NFIA: variants seen among roughly 807,000 people sequenced by gnomAD.
The protein encoded by NFIA is nuclear factor I A, also known as nuclear factor 1 A-type.
In NFIA, 8 loss-of-function variants were observed where a neutral mutation model predicts 62.8. The observed-to-expected ratio is 0.13, with a 90% CI of 0.07 to 0.23. The LOEUF (loss-of-function observed/expected upper bound fraction) is 0.23, where lower values mean the gene tolerates loss of function less well. NFIA is among the 10% of genes least tolerant of loss of function. The pLI, the probability that NFIA is intolerant of heterozygous loss-of-function variation, is 1.00. For missense variants in NFIA, 410 were observed against 642.1 expected (o/e 0.64, Z 3.91); for synonymous variants, 235 against 238.1 (o/e 0.99, Z 0.12).
chr1:61,406,543 G>GGGGCCC lies in NFIA; in HGVS notation c.1255-19_1255-18insGGGCCC. ...TCTTTTTCTTGTACGTGTGTTTTCT[G>GGGGCCC]CCCCCCCCCCCCCCACAGCCCAATG... On this transcript the variant is annotated intron_variant, in intron 8 of 10. Coordinates refer to ENST00000403491, the MANE Select transcript of NFIA (RefSeq NM_001134673.4). 2.3e-6 allele frequency: 2 copies of GGGGCCC among 876,650 alleles called. No homozygotes were observed. Among genetic ancestry groups the GGGGCCC allele is most frequent in the Non-Finnish European group, 3.1e-6 (2 of 653,740 alleles). 54.3% of individuals were successfully genotyped at this position (876,650 alleles called of 1,614,324 possible). A position where few individuals can be genotyped will look rare whatever the true frequency, so the allele number is the denominator to read the frequency against.
At chr1:61,333,954 C>T (rs1661446244) in intron 4 of NFIA, among the ~76,000 whole-genome samples, 1 of 152,194 alleles carries the variant, frequency 6.6e-6, no homozygotes, top group Admixed American at 6.5e-5. Flanking sequence ...GAGCTGAGAT[C>T]ACACTACCAC....
intron 2 of NFIA, among the ~76,000 whole-genome samples, chr1:61,187,862 G>A (rs1280868297): frequency 6.6e-6 from 1 of 152,192 alleles, no homozygotes; most frequent in Non-Finnish European, 1.5e-5. Flanking sequence ...AAGTGGGTCT[G>A]TGTGAGAGCG....
chr1:61,158,372 T>C (rs551401456), intron 2 of NFIA, among the ~76,000 whole-genome samples: 11 of 152,344 alleles, frequency 7.2e-5, no homozygotes, highest in African/African-American at 2.6e-4. Flanking sequence ...TTAATTTTAA[T>C]AATTGGAATC....
chr1:61,217,052 T>A (rs1162194569), intron 2 of NFIA, among the ~76,000 whole-genome samples: 2 of 149,084 alleles, frequency 1.3e-5, no homozygotes, highest in Non-Finnish European at 3.0e-5. Context: ...AACTTTTTTT[T>A]TTCTTTTTTC....
chr1:61,389,666 A>AT (rs1219137636), intron 7 of NFIA, among the ~76,000 whole-genome samples: 1 of 151,750 alleles, frequency 6.6e-6, no homozygotes, highest in Admixed American at 6.6e-5. Context: ...TTGTTTTCAC[A>AT]TTTTTTATGA....
chr1:61,081,632 T>G (rs1646095958), upstream of NFIA: 1 of 376,274 alleles, frequency 2.7e-6, no homozygotes, highest in Non-Finnish European at 4.9e-6. Context: ...GCGTCTGTGT[T>G]CAAACCCACT....
chr1:61,221,466 C>G (rs959601667), intron 2 of NFIA, among the ~76,000 whole-genome samples: 2 of 152,084 alleles, frequency 1.3e-5, no homozygotes, highest in Non-Finnish European at 2.9e-5. Context: ...CTGACAAAAA[C>G]TTATTTAAAA....
intron 2 of NFIA, among the ~76,000 whole-genome samples, chr1:61,262,718 AT>A (rs1325829494): frequency 1.3e-5 from 2 of 152,200 alleles, no homozygotes; most frequent in Non-Finnish European, 2.9e-5. Context: ...ACACTCAGTG[AT>A]TTTTTTGGAA....
chr1:61,251,923 C>T (rs1408711983), intron 2 of NFIA, among the ~76,000 whole-genome samples: 5 of 152,104 alleles, frequency 3.3e-5, no homozygotes, highest in South Asian at 2.1e-4. Context: ...TATTAAGCCT[C>T]CTACAGCAGG....
intron 6 of NFIA, among the ~76,000 whole-genome samples, chr1:61,367,667 C>G (rs1361553525): frequency 6.6e-6 from 1 of 152,102 alleles, no homozygotes; most frequent in Non-Finnish European, 1.5e-5. Flanking sequence ...CTGTAACCAC[C>G]CTTCAAAAAT....
At chr1:61,082,131 T>C, upstream of NFIA, 2 of 1,046,230 alleles carry the variant, frequency 1.9e-6, no homozygotes, top group Non-Finnish European at 2.6e-6. Context: ...TGTGGCAGCC[T>C]ATAGCTGCCC....
intron 3 of NFIA, among the ~76,000 whole-genome samples, chr1:61,299,410 A>G (rs1659372182): frequency 6.6e-6 from 1 of 152,164 alleles, no homozygotes; most frequent in South Asian, 2.1e-4. Flanking sequence ...TGAGGCCACT[A>G]CCTCTTTAAT....
intron 3 of NFIA, among the ~76,000 whole-genome samples, chr1:61,330,479 A>C (rs1661245358): frequency 7.3e-6 from 1 of 137,618 alleles, no homozygotes; most frequent in Non-Finnish European, 1.6e-5. Flanking sequence ...CTGCACACAC[A>C]TACAGGGAGA....
intron 7 of NFIA, among the ~76,000 whole-genome samples, chr1:61,383,634 A>T (rs1205213106): frequency 6.6e-6 from 1 of 152,240 alleles, no homozygotes; most frequent in Non-Finnish European, 1.5e-5. Flanking sequence ...ACTTGAATTG[A>T]ACCAAAATCA....
intron 2 of NFIA, among the ~76,000 whole-genome samples, chr1:61,260,860 G>A (rs1039980255): frequency 3.3e-5 from 5 of 152,220 alleles, no homozygotes; most frequent in African/African-American, 7.2e-5. Flanking sequence ...GATTACAGGC[G>A]TGAGCCCCTG....
intron 6 of NFIA, among the ~76,000 whole-genome samples, chr1:61,369,596 A>G (rs1399914711): frequency 2.0e-5 from 3 of 152,182 alleles, no homozygotes; most frequent in Non-Finnish European, 4.4e-5. Flanking sequence ...GCGTTCTATC[A>G]TATAAACACA....
At chr1:61,205,790 C>T (rs528704996) in intron 2 of NFIA, among the ~76,000 whole-genome samples, 2 of 152,120 alleles carry the variant, frequency 1.3e-5, no homozygotes, top group Non-Finnish European at 2.9e-5. Context: ...ACGTTTAGTC[C>T]AGTCAGTGTT....
intron 2 of NFIA, among the ~76,000 whole-genome samples, chr1:61,140,491 A>G (rs1312962126): frequency 6.6e-6 from 1 of 152,048 alleles, no homozygotes; most frequent in Non-Finnish European, 1.5e-5. Context: ...TTGTTCCAAA[A>G]CTAATGAGAA....
intron 2 of NFIA, among the ~76,000 whole-genome samples, chr1:61,161,022 C>T (rs1649162539): frequency 6.6e-6 from 1 of 152,196 alleles, no homozygotes; most frequent in African/African-American, 2.4e-5. Context: ...TCAAGTGACT[C>T]TCCTGCCTCA....
Sources: allele counts gnomAD v4.1 joint callset (sites outside exome capture counted in the v4.1 genomes callset), GRCh38; gene constraint gnomAD v4.1.1; transcripts MANE v1.5; gene names NCBI Gene and HGNC (gene_info 2026-07-23, HGNC 2026-07-21).